Variants in HS6ST2 observed in about 807,000 individuals in gnomAD.
The protein encoded by HS6ST2 is heparan sulfate 6-O-sulfotransferase 2.
A neutral mutation model predicts 33.0 loss-of-function variants in HS6ST2; 17 were observed. The ratio of observed to expected loss-of-function variants is 0.52; its 90% confidence interval spans 0.35 to 0.77. HS6ST2 has a LOEUF of 0.77. HS6ST2 is among the 30% of genes least tolerant of loss of function. HS6ST2 has a pLI of 0.01. For missense variants in HS6ST2, 519 were observed against 551.7 expected, an observed-to-expected ratio of 0.94 and a Z score of 0.59; for synonymous variants, 248 against 237.1, an observed-to-expected ratio of 1.05 and a Z score of -0.42.
At chrX:132,872,198 T>C (rs1245263413) in intron 2 of HS6ST2, among the ~76,000 whole-genome samples, 1 of 111,955 alleles carries the variant, frequency 8.9e-6, no homozygotes, top group Non-Finnish European at 1.9e-5. Context: ...AGATAACTGA[T>C]TGATAGTCGT....
intron 2 of HS6ST2, among the ~76,000 whole-genome samples, chrX:132,709,334 T>C (rs1433524110): frequency 8.9e-6 from 1 of 112,467 alleles, no homozygotes. Flanking sequence ...CGAAGTGGGC[T>C]ATATAGCCTG....
rs758437453 is a variant in HS6ST2 at position 132,761,661 on chromosome X, T to C, written c.948-53167A>G. Among the ~76,000 whole-genome samples the C allele has an allele frequency of 4.5e-5, 5 of 112,093 alleles. No homozygotes were observed. In the East Asian group the frequency reaches 1.4e-3, roughly 31 times the overall value. ...TGTAATTGGTCCATGCAAGGAGAGT[T>C]ATTACATCTTCTGAACCGTTAGGTC... On this transcript the variant is annotated intron_variant, in intron 2 of 4. Transcript: ENST00000370833.
At chrX:132,830,836 TC>T (rs1297313327) in intron 2 of HS6ST2, among the ~76,000 whole-genome samples, 1 of 111,081 alleles carries the variant, frequency 9.0e-6, no homozygotes, top group Non-Finnish European at 1.9e-5. Context: ...ATTAGTGAGG[TC>T]CCCAAGGCCC....
intron 2 of HS6ST2, among the ~76,000 whole-genome samples, chrX:132,810,684 G>A (rs1232900645): frequency 1.8e-5 from 2 of 111,388 alleles, no homozygotes; most frequent in Non-Finnish European, 3.8e-5. Flanking sequence ...GCAGAAACTT[G>A]AAGAGCTCAT....
chrX:132,741,719 C>T (rs1012025365), intron 2 of HS6ST2, among the ~76,000 whole-genome samples: 1 of 111,445 alleles, frequency 9.0e-6, no homozygotes, highest in Non-Finnish European at 1.9e-5. Context: ...ACAGCACCTA[C>T]CTCACTGCGT....
intron 2 of HS6ST2, among the ~76,000 whole-genome samples, chrX:132,844,920 T>C (rs770516351): frequency 3.6e-5 from 4 of 109,808 alleles, no homozygotes; most frequent in Non-Finnish European, 7.6e-5. Flanking sequence ...GCTAGATGAA[T>C]AAAGTTTCCA....
intron 2 of HS6ST2, among the ~76,000 whole-genome samples, chrX:132,727,926 T>C (rs1028219290): frequency 5.4e-5 from 6 of 112,104 alleles, no homozygotes; most frequent in African/African-American, 1.9e-4. Flanking sequence ...ACTTAGGGCA[T>C]CAAGTTTCTG....
intron 2 of HS6ST2, among the ~76,000 whole-genome samples, chrX:132,886,098 C>T (rs1365133850): frequency 1.8e-5 from 2 of 111,477 alleles, no homozygotes; most frequent in Non-Finnish European, 3.8e-5. Flanking sequence ...TCTGGATGTC[C>T]CCATATATTG....
chrX:132,635,506 GAATCCAGCAACCACCTT>G (rs1372268725), intron 4 of HS6ST2, among the ~76,000 whole-genome samples: 1 of 111,590 alleles, frequency 9.0e-6, no homozygotes, highest in African/African-American at 3.3e-5. Context: ...CAGCCTTGTG[GAATCCAGCAACCACCTT>G]TCTTTCTGTC....
intron 4 of HS6ST2, among the ~76,000 whole-genome samples, chrX:132,653,505 G>C (rs2063708490): frequency 9.0e-6 from 1 of 111,451 alleles, no homozygotes. Flanking sequence ...TGGTGACGGG[G>C]GCTTGTCTCA....
At chrX:132,751,539 A>G (rs1174216262) in intron 2 of HS6ST2, among the ~76,000 whole-genome samples, 2 of 111,998 alleles carry the variant, frequency 1.8e-5, no homozygotes, top group Non-Finnish European at 3.8e-5. Context: ...ATTTACAGAC[A>G]GGGGAGGAAG....
intron 2 of HS6ST2, among the ~76,000 whole-genome samples, chrX:132,722,513 T>C (rs2064343450): frequency 2.7e-5 from 3 of 111,962 alleles, no homozygotes; most frequent in Admixed American, 1.9e-4. Flanking sequence ...AAATCCATGC[T>C]CTAAATGTTA....
chrX:132,929,611 G>A (rs10127410), intron 2 of HS6ST2, among the ~76,000 whole-genome samples: 40,140 of 110,609 alleles, frequency 0.36, 6,170 homozygotes, highest in Middle Eastern at 0.5. Flanking sequence ...AAATTACCAA[G>A]AATGTAGGGG....
At chrX:132,637,820 A>AT (rs2063562104) in intron 4 of HS6ST2, among the ~76,000 whole-genome samples, 1 of 62,216 alleles carries the variant, frequency 1.6e-5, no homozygotes, top group African/African-American at 7.6e-5. Flanking sequence ...TATTTTATAT[A>AT]TATAATATTA....
intron 4 of HS6ST2, among the ~76,000 whole-genome samples, chrX:132,648,012 C>T (rs938361768): frequency 8.9e-6 from 1 of 112,286 alleles, no homozygotes; most frequent in Admixed American, 9.4e-5. Flanking sequence ...ATAATTCTAT[C>T]ACTTGCCTCA....
At chrX:132,750,882 C>G (rs1200417799) in intron 2 of HS6ST2, among the ~76,000 whole-genome samples, 1 of 112,179 alleles carries the variant, frequency 8.9e-6, no homozygotes, top group East Asian at 2.8e-4. Context: ...TAATAAGCCA[C>G]AAACACCAGG....
intron 2 of HS6ST2, among the ~76,000 whole-genome samples, chrX:132,783,536 C>T (rs978286931): frequency 2.7e-5 from 3 of 111,233 alleles, no homozygotes; most frequent in Non-Finnish European, 5.7e-5. Context: ...TTCATCTCTA[C>T]CCACCCACAC....
intron 2 of HS6ST2, among the ~76,000 whole-genome samples, chrX:132,925,318 C>T (rs145464161): frequency 0.044 from 4,901 of 110,933 alleles, 120 homozygotes; most frequent in Middle Eastern, 0.079. Context: ...AATAATAAAC[C>T]AGTAAATGTA....
At chrX:132,720,308 A>G (rs1185531200) in intron 2 of HS6ST2, among the ~76,000 whole-genome samples, 1 of 111,777 alleles carries the variant, frequency 8.9e-6, no homozygotes, top group Non-Finnish European at 1.9e-5. Flanking sequence ...GCAGTGCAGA[A>G]ATCATCAGGC....
Sources: gnomAD v4.1 joint callset for allele counts (sites outside exome capture counted in the v4.1 genomes callset) on GRCh38, gnomAD v4.1.1 for gene constraint, MANE v1.5 for transcripts, NCBI Gene and HGNC (gene_info 2026-07-23, HGNC 2026-07-21) for gene names.